Variants in SLCO1B3 observed in about 807,000 individuals in gnomAD.
SLCO1B3 encodes solute carrier organic anion transporter family member 1B3.
SLCO1B3 carries 72 observed loss-of-function variants against 71.8 expected under a neutral mutation model. That is an observed-to-expected ratio of 1.00 (90% CI 0.83 to 1.22). The LOEUF (loss-of-function observed/expected upper bound fraction) is 1.22. Among genes scored for constraint, SLCO1B3 ranks in the 50% most tolerant of loss-of-function variants. The probability of loss-of-function intolerance (pLI) is 0.00; values close to 1 mark genes in which losing one functional copy is unlikely to be tolerated. For synonymous variants in SLCO1B3, 298 were observed against 278.4 expected (o/e 1.07, Z -0.70); for missense variants, 911 against 819.7 (o/e 1.11, Z -1.36).
chr12:20,892,709 G>A (rs1435147465), intron 13 of SLCO1B3, among the ~76,000 whole-genome samples: 1 of 152,098 alleles, frequency 6.6e-6, no homozygotes, highest in Non-Finnish European at 1.5e-5. Context: ...AGAAAAGAAA[G>A]AGTCTTTGGA....
intron 5 of SLCO1B3, chr12:20,858,779 C>A: frequency 3.0e-6 from 1 of 331,030 alleles, no homozygotes; most frequent in South Asian, 8.3e-5. Flanking sequence ...CTTTTATAAA[C>A]TTTTAAATAA....
chr12:20,813,890 T>A (rs940904400), intron 2 of SLCO1B3, among the ~76,000 whole-genome samples: 5 of 152,180 alleles, frequency 3.3e-5, no homozygotes, highest in Admixed American at 3.3e-4. Context: ...ACATAATTAT[T>A]GCAAAACGTG....
intron 15 of SLCO1B3, among the ~76,000 whole-genome samples, chr12:20,915,649 C>T (rs976962660): frequency 5.3e-5 from 8 of 152,128 alleles, no homozygotes; most frequent in Non-Finnish European, 1.0e-4. Context: ...AGGCCTCAAT[C>T]TTTTAGTGAG....
At chr12:20,872,653 T>C (rs765780340) in intron 8 of SLCO1B3, among the ~76,000 whole-genome samples, 3 of 151,992 alleles carry the variant, frequency 2.0e-5, no homozygotes, top group Non-Finnish European at 4.4e-5. Context: ...CAACTGATGA[T>C]AAATGCTGCC....
At chr12:20,848,034 C>G (rs1169973146) in intron 3 of SLCO1B3, among the ~76,000 whole-genome samples, 1 of 151,940 alleles carries the variant, frequency 6.6e-6, no homozygotes, top group Non-Finnish European at 1.5e-5. Context: ...CAAGTGCTGT[C>G]CCATAGGATT....
At chr12:20,892,650 A>G (rs529789126) in intron 13 of SLCO1B3, among the ~76,000 whole-genome samples, 1 of 152,168 alleles carries the variant, frequency 6.6e-6, no homozygotes, top group African/African-American at 2.4e-5. Context: ...TGCTGCTTCT[A>G]CTTTCTTTGT....
chr12:20,858,634 T>G lies in SLCO1B3; in HGVS notation c.359+63T>G. 2.7e-6 allele frequency: 4 copies of G among 1,483,464 alleles called. No individual in the cohort carries two copies. In the South Asian group the frequency reaches 5.0e-5, roughly 19 times the overall value. 91.9% of individuals were successfully genotyped at this position (1,483,464 alleles called of 1,614,324 possible). ...TACTTGTAAATTAGCAGTAGAATTTTATTTTTATACTTGTAAGTGGGCAGT... is the reference window on the plus strand; with the variant it reads ...TACTTGTAAATTAGCAGTAGAATTTGATTTTTATACTTGTAAGTGGGCAGT... On this transcript the variant is annotated intron_variant, in intron 5 of 15. Transcript: ENST00000381545.
chr12:20,820,907 G>A (rs1864288900), intron 3 of SLCO1B3, among the ~76,000 whole-genome samples: 2 of 152,106 alleles, frequency 1.3e-5, no homozygotes, highest in Non-Finnish European at 1.5e-5. Flanking sequence ...CTTTTTAAGA[G>A]TAAATTGCTG....
At chr12:20,895,399 G>A (rs1865985436) in intron 13 of SLCO1B3, among the ~76,000 whole-genome samples, 1 of 152,172 alleles carries the variant, frequency 6.6e-6, no homozygotes, top group East Asian at 1.9e-4. Context: ...CAGGCATTGG[G>A]TAAATACAGC....
chr12:20,879,571 T>C lies in SLCO1B3; in HGVS notation c.1271T>C (p.Leu424Pro). 1 of 1,613,422 alleles carries C rather than the reference T, an allele frequency of 6.2e-7. No individual in the cohort carries two copies. Among genetic ancestry groups the C allele is most frequent in the South Asian group, 1.1e-5 (1 of 91,064 alleles). The change falls in exon 11 of 16, where the codon CTA (leucine) becomes CCA (proline). Residue 424 changes from leucine (L) to proline (P), a missense_variant. Coordinates refer to ENST00000381545, the MANE Select transcript of SLCO1B3 (RefSeq NM_019844.4). ...TSMISFLFQL[L>P]YFPLICESKS... Reference sequence around the variant, plus strand: ...ATGATATCCTTCTTGTTTCAACTTCTATATTTCCCTCTAATCTGCGAAAGC... The same window carrying C: ...ATGATATCCTTCTTGTTTCAACTTCCATATTTCCCTCTAATCTGCGAAAGC...
At chr12:20,821,650 C>A (rs1356631882) in intron 3 of SLCO1B3, among the ~76,000 whole-genome samples, 3 of 151,910 alleles carry the variant, frequency 2.0e-5, no homozygotes, top group Non-Finnish European at 4.4e-5. Flanking sequence ...ACTTGCCCCT[C>A]CCCCAGAAAA....
intron 3 of SLCO1B3, among the ~76,000 whole-genome samples, chr12:20,822,169 A>G (rs4094277): frequency 0.53 from 80,682 of 151,948 alleles, 22,045 homozygotes; most frequent in East Asian, 0.74. Context: ...CCCCCGATCC[A>G]AGTCACGGCA....
At position 20,901,460 on chromosome 12, in the gene SLCO1B3, T is replaced by C. The variant is rs1866132868; in HGVS notation, c.1858T>C (p.Phe620Leu). 2.0e-6 allele frequency: 3 copies of C among 1,518,182 alleles called. No individual in the cohort carries two copies. Among genetic ancestry groups the C allele is most frequent in the Admixed American group, 2.3e-5 (1 of 42,594 alleles). The allele number at this position is 1,518,182 out of a possible 1,614,324, so 94.0% of individuals were successfully genotyped here. A position where few individuals can be genotyped will look rare whatever the true frequency, so the allele number is the denominator to read the frequency against. Residue 620 changes from phenylalanine to leucine, a missense_variant, in exon 15 of 16, where the codon TTT becomes CTT. Phe to Leu is a conservative substitution (Grantham distance 22). Transcript: ENST00000381545. ...QGACRIYNSV[F>L]FGRVYLGLSI... ...GGCTTGTAGGATATATAATTCCGTATTTTTTGGGTAAGTTGTCGTAAACAC... is the reference window on the plus strand; with the variant it reads ...GGCTTGTAGGATATATAATTCCGTACTTTTTGGGTAAGTTGTCGTAAACAC...
intron 12 of SLCO1B3, among the ~76,000 whole-genome samples, chr12:20,883,007 C>G (rs1386204181): frequency 6.6e-6 from 1 of 152,130 alleles, no homozygotes. Flanking sequence ...CTGCCTGGCT[C>G]TATTTCCTCT....
intron 12 of SLCO1B3, 24 bp downstream of exon 12, chr12:20,881,044 C>T: frequency 6.6e-7 from 1 of 1,517,908 alleles, no homozygotes; most frequent in Non-Finnish European, 9.0e-7. Context: ...TTCACTTTTT[C>T]TCCTCTCCTT....
chr12:20,815,797 AAAC>A lies in SLCO1B3; in HGVS notation c.62_64del (p.Thr21del). ...GAGTCAGCATCTTCAGAGAAAAAGA[AAAC>A]AAGACGCTGCAATGGATTCAAGGTA... On this transcript the variant is annotated inframe_deletion, in exon 3 of 16. Transcript: ENST00000381545. 2 of 1,597,454 alleles carry A rather than the reference AAAC, an allele frequency of 1.3e-6. No homozygotes were observed. Among genetic ancestry groups the A allele is most frequent in the Non-Finnish European group, 8.5e-7 (1 of 1,170,738 alleles).
intron 3 of SLCO1B3, among the ~76,000 whole-genome samples, chr12:20,824,494 A>G (rs946481329): frequency 5.3e-5 from 8 of 152,152 alleles, no homozygotes; most frequent in East Asian, 1.9e-4. Flanking sequence ...TAAAACAACA[A>G]TTGTGAATGA....
chr12:20,898,892 G>A (rs890548118), intron 14 of SLCO1B3, among the ~76,000 whole-genome samples: 1 of 152,118 alleles, frequency 6.6e-6, no homozygotes, highest in African/African-American at 2.4e-5. Context: ...AGTAGCTTGG[G>A]AACCCTGGGA....
chr12:20,883,973 A>G (rs1037337596), intron 13 of SLCO1B3, among the ~76,000 whole-genome samples: 1 of 152,228 alleles, frequency 6.6e-6, no homozygotes, highest in African/African-American at 2.4e-5. Context: ...TCATTGAAAG[A>G]AAACATTTAG....
Sources: gnomAD v4.1 joint callset for allele counts (sites outside exome capture counted in the v4.1 genomes callset) on GRCh38, gnomAD v4.1.1 for gene constraint, MANE v1.5 for transcripts, NCBI Gene and HGNC (gene_info 2026-07-23, HGNC 2026-07-21) for gene names.